SNCG: variants seen among roughly 807,000 people sequenced by gnomAD.
SNCG encodes synuclein gamma.
Under a neutral mutation model 16.0 loss-of-function variants are expected in SNCG, and 13 were observed. The ratio of observed to expected loss-of-function variants is 0.81; its 90% confidence interval spans 0.53 to 1.29. SNCG has a LOEUF of 1.29. Ranked by LOEUF, SNCG falls within the 50% of genes most tolerant of loss-of-function variation. The probability of loss-of-function intolerance (pLI) is 0.00; values close to 1 mark genes in which losing one functional copy is unlikely to be tolerated. For synonymous variants in SNCG, 66 were observed against 66.3 expected, an observed-to-expected ratio of 1.00 and a Z score of 0.02; for missense variants, 154 against 168.5, an observed-to-expected ratio of 0.91 and a Z score of 0.48.
intron 3 of SNCG, among the ~76,000 whole-genome samples, chr10:86,962,004 A>G (rs1844359996): frequency 6.6e-6 from 1 of 152,194 alleles, no homozygotes; most frequent in African/African-American, 2.4e-5. Context: ...AGAAGATGGG[A>G]AGTGAGAGAG....
At position 86,959,824 on chromosome 10, in the gene SNCG, G is replaced by A. The variant is rs1054817038; in HGVS notation, c.163+150G>A. On this transcript the variant is annotated intron_variant, in intron 2 of 4. Transcript: ENST00000372017. The surrounding 1 kb of genome is among the most constrained non-coding windows in gnomAD (Gnocchi z 4.3). ...CCCTGCAGACCATGAGGCTAAACTAGGGTGGGCGTCTCCTTACCCCCACCA... is the reference window on the plus strand; with the variant it reads ...CCCTGCAGACCATGAGGCTAAACTAAGGTGGGCGTCTCCTTACCCCCACCA... 26 of 1,253,696 alleles carry A rather than the reference G, an allele frequency of 2.1e-5. No homozygotes were observed. The highest frequency in any genetic ancestry group is 3.0e-5 in the African/African-American group (2 of 66,570). 77.7% of individuals were successfully genotyped at this position (1,253,696 alleles called of 1,614,324 possible).
intron 3 of SNCG, among the ~76,000 whole-genome samples, chr10:86,960,513 C>A (rs1467493758): frequency 2.0e-5 from 3 of 152,118 alleles, no homozygotes; most frequent in African/African-American, 7.2e-5. Flanking sequence ...TGAGTAGCAC[C>A]AGCCCCGCCC....
At chr10:86,961,351 C>T (rs1482673507) in intron 3 of SNCG, among the ~76,000 whole-genome samples, 2 of 152,112 alleles carry the variant, frequency 1.3e-5, no homozygotes, top group Non-Finnish European at 2.9e-5. Flanking sequence ...GTGAGAGTGT[C>T]GGCCTCCCTG....
chr10:86,958,306 C>A, upstream of SNCG: 1 of 985,328 alleles, frequency 1.0e-6, no homozygotes, highest in Non-Finnish European at 1.2e-6. Flanking sequence ...CCCCTGGGGC[C>A]AAGAGCACCC....
At chr10:86,956,004 GCTCCCTC>G (rs2133689752), upstream of SNCG, among the ~76,000 whole-genome samples, 1 of 152,248 alleles carries the variant, frequency 6.6e-6, no homozygotes, top group African/African-American at 2.4e-5. Context: ...AAGAGGAGCA[GCTCCCTC>G]CTCCCTCCCG....
upstream of SNCG, chr10:86,958,053 G>A (rs1844266403): frequency 1.0e-6 from 1 of 985,302 alleles, no homozygotes; most frequent in Non-Finnish European, 1.2e-6. Flanking sequence ...GCCAAGGCAT[G>A]AGGAAGTCCT....
chr10:86,962,372 G>A (rs1844368381), intron 3 of SNCG, among the ~76,000 whole-genome samples: 2 of 152,170 alleles, frequency 1.3e-5, no homozygotes, highest in African/African-American at 4.8e-5. Flanking sequence ...AGCTTGAGGG[G>A]TGAAGCTGGG....
intron 4 of SNCG, 144 bp from the exon 5 acceptor site, chr10:86,962,821 G>A: frequency 8.6e-7 from 1 of 1,164,838 alleles, no homozygotes. Context: ...TGTGTACAGG[G>A]CTAACCCTGA....
Position 86,958,622 on chromosome 10 carries a change from A to G in SNCG, c.-76A>G. ...GGGACAGCCGCTGCGGCAGCACTCG[A>G]GCCAGCTCAAGCCCGCAGCTCGCAG... On this transcript the variant is annotated 5_prime_UTR_variant, in exon 1 of 5. Coordinates refer to ENST00000372017, the MANE Select transcript of SNCG (RefSeq NM_003087.3). 4.4e-6 allele frequency: 7 copies of G among 1,596,566 alleles called. No individual in the cohort carries two copies. The highest frequency in any genetic ancestry group is 6.0e-6 in the Non-Finnish European group (7 of 1,172,128).
Position 86,960,103 on chromosome 10 carries a change from C to T in SNCG, c.266C>T (p.Ala89Val), listed in dbSNP as rs770502987. Reference sequence around the variant, plus strand: ...ACCGTGGAGGAGGCGGAGAACATCGCGGTCACCTCCGGGGTGGTGCGCAAG... The same window carrying T: ...ACCGTGGAGGAGGCGGAGAACATCGTGGTCACCTCCGGGGTGGTGCGCAAG... The part of the protein sequence containing the change: ...TKTVEEAENI[A>V]VTSGVVRKED... Residue 89 changes from alanine (A) to valine (V), a missense_variant, in exon 3 of 5, where the codon GCG becomes GTG. Physicochemically the swap from Ala to Val is moderately conservative, Grantham distance 64. Transcript: ENST00000372017. 1.6e-5 allele frequency: 26 copies of T among 1,613,082 alleles called. No individual in the cohort carries two copies. Among genetic ancestry groups the T allele is most frequent in the African/African-American group, 8.0e-5 (6 of 74,908 alleles).
upstream of SNCG, among the ~76,000 whole-genome samples, chr10:86,957,170 C>A (rs1844248261): frequency 6.6e-6 from 1 of 152,236 alleles, no homozygotes; most frequent in African/African-American, 2.4e-5. Flanking sequence ...CCTGCCATGG[C>A]TCCGACAGGG....
chr10:86,960,480 G>GC (rs1188155124), intron 3 of SNCG, among the ~76,000 whole-genome samples: 1 of 152,246 alleles, frequency 6.6e-6, no homozygotes, highest in Admixed American at 6.5e-5. Context: ...AGCCTCCCGG[G>GC]CAGTGGTCAC....
chr10:86,958,563 A>G (rs377375661), upstream of SNCG: 127 of 1,221,940 alleles, frequency 1.0e-4, no homozygotes, highest in Admixed American at 3.3e-3. Context: ...TGGCCTCCGC[A>G]TCAATATTTC....
Position 86,959,564 on chromosome 10 carries a change from T to C in SNCG, c.122-69T>C. The C allele has an allele frequency of 2.2e-6, 3 of 1,341,968 alleles. No homozygotes were observed. In the African/African-American group the frequency reaches 4.3e-5, roughly 19 times the overall value. 83.1% of individuals were successfully genotyped at this position (1,341,968 alleles called of 1,614,324 possible). On this transcript the variant is annotated intron_variant, in intron 1 of 4. Coordinates refer to ENST00000372017, the MANE Select transcript of SNCG (RefSeq NM_003087.3). The surrounding 1 kb of genome is among the most constrained non-coding windows in gnomAD (Gnocchi z 4.3). ...CCCCACAGTTTGTCCAGCTGTTCTG[T>C]TGTGTTTGTCCTGACCGCCCCCAAC...
chr10:86,957,734 G>A, upstream of SNCG: 1 of 1,366,478 alleles, frequency 7.3e-7, no homozygotes, highest in Non-Finnish European at 9.5e-7. Flanking sequence ...GCCCCACAGG[G>A]GCCGCCAACC....
chr10:86,962,569 C>T lies in SNCG; in HGVS notation c.292-35C>T. ...GGGCAGCTAGGGGTCTCTGCATTCT[C>T]CACATGGTCTCATGCCCCCTTTTGT... On this transcript the variant is annotated intron_variant, in intron 3 of 4. Transcript: ENST00000372017. 2.6e-6 allele frequency: 4 copies of T among 1,543,164 alleles called. No individual in the cohort carries two copies. In the South Asian group the frequency reaches 4.6e-5, roughly 18 times the overall value.
upstream of SNCG, chr10:86,957,501 C>A (rs1406546186): frequency 6.2e-7 from 1 of 1,612,934 alleles, no homozygotes; most frequent in Non-Finnish European, 8.5e-7. Context: ...CAGCCCCCAG[C>A]CCAGGGGGCC....
intron 3 of SNCG, among the ~76,000 whole-genome samples, chr10:86,961,975 G>A (rs868086087): frequency 1.3e-5 from 2 of 152,220 alleles, no homozygotes; most frequent in Non-Finnish European, 2.9e-5. Flanking sequence ...GTGTCTGGCC[G>A]GCATGGAGTG....
Position 86,959,708 on chromosome 10 carries a change from G to T in SNCG, c.163+34G>T. ...CCCCAGGGCCAGGGGACACATGGGG[G>T]ATAGGACCCCTGGGGCTCCTGCATC... is the stretch of plus-strand genomic sequence containing the variant. On this transcript the variant is annotated intron_variant, in intron 2 of 4. Coordinates refer to ENST00000372017, the MANE Select transcript of SNCG (RefSeq NM_003087.3). The surrounding 1 kb of genome is among the most constrained non-coding windows in gnomAD (Gnocchi z 4.3). 7.0e-6 allele frequency: 11 copies of T among 1,567,904 alleles called. No individual in the cohort carries two copies. The South Asian group carries it at 1.1e-4, about 15-fold the overall frequency.
Sources: allele counts gnomAD v4.1 joint callset (sites outside exome capture counted in the v4.1 genomes callset), GRCh38; gene constraint gnomAD v4.1.1; non-coding constraint Gnocchi (gnomAD v3.1); transcripts MANE v1.5; gene names NCBI Gene and HGNC (gene_info 2026-07-23, HGNC 2026-07-21).